FADS3: variants seen among roughly 807,000 people sequenced by gnomAD.
The protein encoded by FADS3 is fatty acid desaturase 3, also known as cytochrome b5-related protein.
In FADS3, 30 loss-of-function variants were observed where a neutral mutation model predicts 60.4. The observed-to-expected ratio is 0.50, with a 90% CI of 0.37 to 0.67. FADS3 has a LOEUF of 0.67. Ranked by LOEUF, FADS3 falls within the 30% of genes least tolerant of loss-of-function variation. The pLI, the probability that FADS3 is intolerant of heterozygous loss-of-function variation, is 0.00. For missense variants in FADS3, 432 were observed against 598.3 expected (o/e 0.72, Z 2.90); for synonymous variants, 234 against 249.3 (o/e 0.94, Z 0.58).
chr11:61,877,035 A>C lies in FADS3; in HGVS notation c.886-72T>G. The C allele has an allele frequency of 1.8e-6, 2 of 1,102,544 alleles. No individual in the cohort carries two copies. The highest frequency in any genetic ancestry group is 2.6e-6 in the Non-Finnish European group (2 of 773,960). 68.3% of individuals were successfully genotyped at this position (1,102,544 alleles called of 1,614,324 possible). A position where few individuals can be genotyped will look rare whatever the true frequency, so the allele number is the denominator to read the frequency against. On this transcript the variant is annotated intron_variant, in intron 7 of 11. Coordinates refer to ENST00000278829, the MANE Select transcript of FADS3 (RefSeq NM_021727.5). The surrounding 1 kb of genome is among the most constrained non-coding windows in gnomAD (Gnocchi z 4.7). ...GAGGTCTGGAGGCCTGGTGGGTGGG[A>C]GGAGGACCTCAGGCATCCAACCCTT...
chr11:61,884,996 C>T (rs768029662), intron 1 of FADS3, among the ~76,000 whole-genome samples: 2 of 152,164 alleles, frequency 1.3e-5, no homozygotes, highest in African/African-American at 2.4e-5. Context: ...AGCAGGGGCA[C>T]GAACCATTTT....
chr11:61,884,458 G>A (rs564351579), intron 1 of FADS3, among the ~76,000 whole-genome samples: 6 of 152,252 alleles, frequency 3.9e-5, no homozygotes, highest in East Asian at 3.9e-4. Flanking sequence ...CACGTTTCCC[G>A]GAACTTAAAG....
rs2135995013 is a variant in FADS3 at position 61,880,145 on chromosome 11, A to C, written c.220T>G (p.Phe74Val). 1 of 1,613,970 alleles carries C rather than the reference A, an allele frequency of 6.2e-7. No individual in the cohort carries two copies. The highest frequency in any genetic ancestry group is 2.2e-5 in the East Asian group (1 of 44,880). The change falls in exon 2 of 12, where the codon TTC (phenylalanine) becomes GTC (valine). Residue 74 changes from phenylalanine (F) to valine (V), a missense_variant. This residue lies in a region of FADS3 where 167 missense variants were observed against 188.8 expected (regional missense o/e 0.88). Transcript: ENST00000278829. ...TTGAGATCTTGATGGAAGGCACGGA[A>C]GGCATCCTGAAGGAGAGCAGACAGT... ...HHGAEDATDA[F>V]RAFHQDLNFV...
At chr11:61,890,764 A>T (rs1259319499) in intron 1 of FADS3, among the ~76,000 whole-genome samples, 1 of 152,146 alleles carries the variant, frequency 6.6e-6, no homozygotes, top group East Asian at 1.9e-4. Context: ...CCCAGCCTCT[A>T]ATGGCATGTC....
chr11:61,890,065 G>A (rs556907047), intron 1 of FADS3: 1 of 151,542 alleles, frequency 6.6e-6, no homozygotes, highest in Non-Finnish European at 1.5e-5. Flanking sequence ...TCCCACGGCT[G>A]TGCTGTCCCC....
rs776360271 is a variant in FADS3 at position 61,876,507 on chromosome 11, C to T, written c.984-52G>A. On this transcript the variant is annotated intron_variant, in intron 8 of 11. Coordinates refer to ENST00000278829, the MANE Select transcript of FADS3 (RefSeq NM_021727.5). The surrounding 1 kb of genome is among the most constrained non-coding windows in gnomAD (Gnocchi z 5.7). ...AGGTCCAGCTCACCACTTAGGCACCCTGAGTGGAGGCTGGAGAGCAGCTGT... is the reference window on the plus strand; with the variant it reads ...AGGTCCAGCTCACCACTTAGGCACCTTGAGTGGAGGCTGGAGAGCAGCTGT... 4 of 1,456,410 alleles carry T rather than the reference C, an allele frequency of 2.7e-6. No individual in the cohort carries two copies. The Admixed American group carries it at 6.7e-5, about 24-fold the overall frequency. 90.2% of individuals were successfully genotyped at this position (1,456,410 alleles called of 1,614,324 possible). A position where few individuals can be genotyped will look rare whatever the true frequency, so the allele number is the denominator to read the frequency against.
Position 61,878,861 on chromosome 11 carries a change from C to T in FADS3, c.523-14G>A, listed in dbSNP as rs1327041843. ...CCAGGACTGAGCCTGGGGAGAGAGG[C>T]AGGGTCAGAAGCTGTTGGGAAGGAC... On this transcript the variant is annotated splice_polypyrimidine_tract_variant and intron_variant, in intron 3 of 11. Transcript: ENST00000278829. The T allele has an allele frequency of 6.2e-7, 1 of 1,612,288 alleles. No homozygotes were observed. The highest frequency in any genetic ancestry group is 2.2e-5 in the East Asian group (1 of 44,844).
At chr11:61,879,596 C>A in intron 2 of FADS3, 87 bp from the exon 3 acceptor site, 1 of 1,312,656 alleles carries the variant, frequency 7.6e-7, no homozygotes, top group East Asian at 2.5e-5. Flanking sequence ...CTCCCATCGC[C>A]AGGCCCAAGG....
intron 1 of FADS3, among the ~76,000 whole-genome samples, chr11:61,885,955 G>A (rs1021314436): frequency 4.6e-5 from 7 of 152,158 alleles, no homozygotes; most frequent in Non-Finnish European, 1.0e-4. Context: ...GGCCAGTGGG[G>A]AAGCACTATC....
chr11:61,873,886 T>TG lies in FADS3; in HGVS notation c.1287-22dup, dbSNP rs754236351. 2.9e-5 allele frequency: 32 copies of TG among 1,087,526 alleles called. No individual in the cohort carries two copies. The South Asian group carries it at 4.4e-4, about 15-fold the overall frequency. The allele number at this position is 1,087,526 out of a possible 1,614,324, so 67.4% of individuals were successfully genotyped here. A position where few individuals can be genotyped will look rare whatever the true frequency, so the allele number is the denominator to read the frequency against. ...GGGACCTGGGAGGTGGGGGTGGCAG[T>TG]GGGGGTGGGTGTTAGGAGCTCAGTT... On this transcript the variant is annotated intron_variant, in intron 11 of 11. Transcript: ENST00000278829.
intron 2 of FADS3, 30 bp downstream of exon 2, chr11:61,880,011 G>C (rs746014083): frequency 5.1e-6 from 8 of 1,562,548 alleles, no homozygotes; most frequent in Non-Finnish European, 6.2e-6. Flanking sequence ...CTCCCTCAGG[G>C]GCTGAGCCTC....
chr11:61,880,479 A>G (rs902284361), intron 1 of FADS3: 4 of 191,796 alleles, frequency 2.1e-5, no homozygotes, highest in African/African-American at 2.3e-5. Context: ...AACCACGAAA[A>G]AAGGTTCTGC....
Position 61,877,645 on chromosome 11 carries a change from G to A in FADS3, c.809-58C>T. 2.0e-6 allele frequency: 3 copies of A among 1,502,530 alleles called. No homozygotes were observed. The highest frequency in any genetic ancestry group is 2.8e-6 in the Non-Finnish European group (3 of 1,089,522). 93.1% of individuals were successfully genotyped at this position (1,502,530 alleles called of 1,614,324 possible). ...GGGGCTGGGCTGCCAAGGTGAGTGG[G>A]CGCCAGAGTGAGGGGCTCTGTTACT... On this transcript the variant is annotated intron_variant, in intron 6 of 11. Coordinates refer to ENST00000278829, the MANE Select transcript of FADS3 (RefSeq NM_021727.5). The surrounding 1 kb of genome is among the most constrained non-coding windows in gnomAD (Gnocchi z 4.7).
In FADS3 at chr11:61,876,320, C is replaced by A; in HGVS notation, c.1080+39G>T. 6.2e-7 allele frequency: 1 copy of A among 1,600,808 alleles called. No homozygotes were observed. On this transcript the variant is annotated intron_variant, in intron 9 of 11. Coordinates refer to ENST00000278829, the MANE Select transcript of FADS3 (RefSeq NM_021727.5). The surrounding 1 kb of genome is among the most constrained non-coding windows in gnomAD (Gnocchi z 5.7). The stretch of plus-strand genomic sequence containing the variant: ...GCCATCTGGCTCCTAGCTGGGACCC[C>A]CCACCCCACCCAGGATGGGCCCCAC...
chr11:61,876,152 G>C lies in FADS3; in HGVS notation c.1119C>G (p.Thr373=). The change falls in exon 10 of 12, where the codon ACC becomes ACG. Residue 373 remains threonine, a synonymous_variant. Coordinates refer to ENST00000278829, the MANE Select transcript of FADS3 (RefSeq NM_021727.5). This position sits in a 1 kb window ranked among gnomAD's most constrained non-coding sequence, Gnocchi z 5.7. The part of the protein sequence containing the change: ...ATCNVEPSLF[T]NWFSGHLNFQ... The stretch of plus-strand genomic sequence containing the variant: ...AGTTGAGGTGCCCGCTGAACCAGTT[G>C]GTGAAAAGTGAGGGCTCCACGTTGC... The C allele has an allele frequency of 2.5e-6, 4 of 1,608,316 alleles. No homozygotes were observed. Among genetic ancestry groups the C allele is most frequent in the Non-Finnish European group, 3.4e-6 (4 of 1,177,664 alleles).
chr11:61,881,993 C>T (rs1938148641), intron 1 of FADS3: 1 of 151,424 alleles, frequency 6.6e-6, no homozygotes, highest in Non-Finnish European at 1.5e-5. Flanking sequence ...GGCTGGGGGT[C>T]CCCAGGAAGC....
rs1329259073 is a variant in FADS3, at chr11:61,879,435, G to A, written c.399C>T (p.Thr133=). Residue 133 remains threonine, a synonymous_variant, in exon 3 of 12, where the codon ACC becomes ACT. Transcript: ENST00000278829. ...TGTGGCCCAGTAGGAAAGCAAAGAA[G>A]GTGGGACTGGCATCAAACAGCTTCA... ...EDMKLFDASP[T]FFAFLLGHIL... 2 of 1,606,462 alleles carry A rather than the reference G, an allele frequency of 1.2e-6. No homozygotes were observed. The highest frequency in any genetic ancestry group is 1.7e-5 in the Admixed American group (1 of 58,728).
intron 11 of FADS3, among the ~76,000 whole-genome samples, 193 bp downstream of exon 11, chr11:61,875,657 CT>C (rs1364841854): frequency 6.6e-6 from 1 of 152,204 alleles, no homozygotes; most frequent in Non-Finnish European, 1.5e-5. Context: ...GCAGGCACTG[CT>C]GTTTGTGAGT....
chr11:61,874,224 C>T (rs140860235), intron 11 of FADS3, among the ~76,000 whole-genome samples: 90 of 152,320 alleles, frequency 5.9e-4, no homozygotes, highest in African/African-American at 1.9e-3. Context: ...CCTGCCCACC[C>T]GATCTTGGGC....
Sources: gnomAD v4.1 joint callset for allele counts (sites outside exome capture counted in the v4.1 genomes callset) on GRCh38, gnomAD v4.1.1 for gene constraint, gnomAD v4.1.1 regional missense constraint, Gnocchi (gnomAD v3.1) non-coding constraint, MANE v1.5 for transcripts, NCBI Gene and HGNC (gene_info 2026-07-23, HGNC 2026-07-21) for gene names.